WAPL: variants seen among roughly 807,000 people sequenced by gnomAD.
The protein encoded by WAPL is wings apart-like protein homolog.
Under a neutral mutation model 121.0 loss-of-function variants are expected in WAPL, and 5 were observed. The ratio of observed to expected loss-of-function variants is 0.04; its 90% CI spans 0.02 to 0.09. The LOEUF (loss-of-function observed/expected upper bound fraction) is 0.09. WAPL is among the 10% of genes least tolerant of loss of function. The pLI is 1.00. For synonymous variants in WAPL, 480 were observed against 481.5 expected (o/e 1.00, Z 0.04); for missense variants, 999 against 1,410.8 (o/e 0.71, Z 4.68).
chr10:86,512,928 C>A (rs888001098), intron 2 of WAPL, among the ~76,000 whole-genome samples: 1 of 152,086 alleles, frequency 6.6e-6, no homozygotes, highest in Non-Finnish European at 1.5e-5. Context: ...AGGAACAGGA[C>A]ATTTTAGCAA....
At chr10:86,456,245 G>A (rs373426053) in intron 12 of WAPL, among the ~76,000 whole-genome samples, 9 of 152,102 alleles carry the variant, frequency 5.9e-5, no homozygotes, top group Admixed American at 1.3e-4. Flanking sequence ...TCCATTTCAC[G>A]TCTACTAAAT....
intron 2 of WAPL, among the ~76,000 whole-genome samples, chr10:86,505,422 G>A (rs1457852555): frequency 1.4e-5 from 2 of 147,772 alleles, no homozygotes; most frequent in Admixed American, 1.4e-4. Context: ...GAGTAGCTGG[G>A]ACTACAGGCG....
intron 14 of WAPL, among the ~76,000 whole-genome samples, chr10:86,452,484 T>C (rs543736462): frequency 6.6e-6 from 1 of 151,870 alleles, no homozygotes; most frequent in South Asian, 2.1e-4. Flanking sequence ...CCCACCTAAT[T>C]GGGAGGCTGA....
chr10:86,446,627 A>G (rs531803706), intron 15 of WAPL, among the ~76,000 whole-genome samples, 178 bp from the exon 16 acceptor site: 9 of 152,358 alleles, frequency 5.9e-5, no homozygotes, highest in African/African-American at 2.2e-4. Flanking sequence ...AGCCAAAACG[A>G]AAGTATAAAT....
chr10:86,448,444 CTGTA>C (rs1239900501), intron 15 of WAPL, among the ~76,000 whole-genome samples: 1 of 152,086 alleles, frequency 6.6e-6, no homozygotes, highest in Non-Finnish European at 1.5e-5. Flanking sequence ...GAGTGAGACC[CTGTA>C]TGTATGTATG....
intron 13 of WAPL, 144 bp from the exon 14 acceptor site, chr10:86,453,479 C>A: frequency 8.5e-7 from 1 of 1,177,650 alleles, no homozygotes; most frequent in Non-Finnish European, 1.2e-6. Flanking sequence ...CTGGGTCAAG[C>A]TACTAGGCTT....
chr10:86,454,827 G>A lies in WAPL; in HGVS notation c.2658-996C>T, dbSNP rs181841222. Among the ~76,000 whole-genome samples the A allele has an allele frequency of 6.6e-5, 10 of 151,068 alleles. No homozygotes were observed. The East Asian group carries it at 1.4e-3, about 21-fold the overall frequency. ...GGCCGCCCATCGTCTGAGATGTGGG[G>A]AGCACCTCTGCCCGGCCGCGACCCC... On this transcript the variant is annotated intron_variant, in intron 12 of 18. Transcript: ENST00000298767.
At chr10:86,507,160 G>A (rs1842367991) in intron 2 of WAPL, among the ~76,000 whole-genome samples, 3 of 151,106 alleles carry the variant, frequency 2.0e-5, no homozygotes, top group African/African-American at 7.3e-5. Flanking sequence ...CTGAGTTCAG[G>A]AGTCCAAGAC....
At chr10:86,442,132 T>C (rs1036028858) in intron 17 of WAPL, among the ~76,000 whole-genome samples, 1 of 152,216 alleles carries the variant, frequency 6.6e-6, no homozygotes, top group African/African-American at 2.4e-5. Context: ...ATTCAAGCGA[T>C]TCGATTCTTG....
intron 15 of WAPL, among the ~76,000 whole-genome samples, chr10:86,450,418 T>C (rs1266250634): frequency 6.6e-6 from 1 of 152,136 alleles, no homozygotes; most frequent in Non-Finnish European, 1.5e-5. Flanking sequence ...TTATTTTTTG[T>C]ACAGACAGGA....
chr10:86,497,142 A>C (rs1842164950), intron 4 of WAPL, 59 bp downstream of exon 4: 1 of 1,328,610 alleles, frequency 7.5e-7, no homozygotes, highest in Admixed American at 2.1e-5. Context: ...TAAAAAATTA[A>C]GAGTTGAGCC....
At chr10:86,453,186 G>C (rs764097476) in intron 14 of WAPL, 34 bp downstream of exon 14, 1 of 1,575,852 alleles carries the variant, frequency 6.3e-7, no homozygotes. Flanking sequence ...TATTAGATAT[G>C]ATACTCATTT....
chr10:86,507,553 A>C (rs1363004311), intron 2 of WAPL, among the ~76,000 whole-genome samples: 2 of 151,990 alleles, frequency 1.3e-5, no homozygotes, highest in East Asian at 3.8e-4. Flanking sequence ...TATCACACTG[A>C]ATTCCACCAA....
At chr10:86,488,499 T>A (rs1234358091) in intron 4 of WAPL, 1 of 152,216 alleles carries the variant, frequency 6.6e-6, no homozygotes, top group African/African-American at 2.4e-5. Context: ...AAGATTAGCA[T>A]GACCCCTGCA....
At chr10:86,491,061 TTAAATAAATAAA>T (rs548077152) in intron 4 of WAPL, among the ~76,000 whole-genome samples, 7 of 150,652 alleles carry the variant, frequency 4.6e-5, no homozygotes, top group Non-Finnish European at 7.4e-5. Flanking sequence ...AGACTCTGTC[TTAAATAAATAAA>T]TAAATAAATA....
chr10:86,479,419 A>G (rs1841731686), intron 4 of WAPL, among the ~76,000 whole-genome samples: 1 of 152,074 alleles, frequency 6.6e-6, no homozygotes, highest in South Asian at 2.1e-4. Flanking sequence ...ACGCCTGGCT[A>G]ATTTTTGTAT....
intron 7 of WAPL, among the ~76,000 whole-genome samples, chr10:86,471,475 T>C (rs1177210207): frequency 6.6e-6 from 1 of 152,186 alleles, no homozygotes; most frequent in Admixed American, 6.5e-5. Context: ...ATCAAAATTA[T>C]AGTATTCAAT....
intron 9 of WAPL, among the ~76,000 whole-genome samples, chr10:86,462,701 G>A (rs1050662205): frequency 4.8e-5 from 6 of 126,188 alleles, no homozygotes; most frequent in South Asian, 2.4e-4. Flanking sequence ...CAACCTGGGC[G>A]ACAGAGTGAG....
chr10:86,479,702 G>A (rs939489029), intron 4 of WAPL, among the ~76,000 whole-genome samples: 2 of 152,230 alleles, frequency 1.3e-5, no homozygotes, highest in Non-Finnish European at 2.9e-5. Flanking sequence ...GATATCACCA[G>A]TAATTCAATC....
Sources: gnomAD v4.1 joint callset for allele counts (sites outside exome capture counted in the v4.1 genomes callset) on GRCh38, gnomAD v4.1.1 for gene constraint, MANE v1.5 for transcripts, NCBI Gene and HGNC (gene_info 2026-07-23, HGNC 2026-07-21) for gene names.